Variants in BRINP3 observed in about 807,000 individuals in gnomAD.
The protein encoded by BRINP3 is BMP/retinoic acid inducible neural specific 3, also known as BMP/retinoic acid-inducible neural-specific protein 3.
Under a neutral mutation model 71.0 loss-of-function variants are expected in BRINP3, and 19 were observed. That is an observed-to-expected ratio of 0.27 (90% CI 0.19 to 0.39). The LOEUF (loss-of-function observed/expected upper bound fraction) is 0.39. Ranked by LOEUF, BRINP3 falls within the 10% of genes least tolerant of loss-of-function variation. The pLI is 1.00. For missense variants in BRINP3, 959 were observed against 940.8 expected (o/e 1.02, Z -0.25); for synonymous variants, 380 against 337.7 (o/e 1.13, Z -1.37).
intron 2 of BRINP3, among the ~76,000 whole-genome samples, chr1:190,307,814 C>T (rs752350589): frequency 1.1e-4 from 17 of 151,868 alleles, no homozygotes; most frequent in Non-Finnish European, 1.5e-5. Context: ...GCTTCCATTT[C>T]CTGCAAGATG....
intron 4 of BRINP3, among the ~76,000 whole-genome samples, chr1:190,240,545 A>G (rs1041163890): frequency 6.6e-6 from 1 of 152,046 alleles, no homozygotes; most frequent in African/African-American, 2.4e-5. Context: ...TCTGAGGAGT[A>G]GATAGATATA....
At chr1:190,259,660 AAAT>A (rs1177626461) in intron 4 of BRINP3, among the ~76,000 whole-genome samples, 82 of 144,518 alleles carry the variant, frequency 5.7e-4, no homozygotes, top group Non-Finnish European at 9.5e-4. Flanking sequence ...ATAAATAAAT[AAAT>A]AAAATAAAGT....
At position 190,170,683 on chromosome 1, in the gene BRINP3, C is replaced by A. The variant is rs1051770978; in HGVS notation, c.962-9793G>T. Among the ~76,000 whole-genome samples, 7 of 152,168 alleles carry A rather than the reference C, an allele frequency of 4.6e-5. No homozygotes were observed. In the South Asian group the frequency reaches 1.5e-3, roughly 32 times the overall value. On this transcript the variant is annotated intron_variant, in intron 6 of 7. Transcript: ENST00000367462. ...ATAAAAATGTAGATACATTTCTTAA[C>A]TTATGGATGAGAAAATGGCAAATGA...
intron 2 of BRINP3, among the ~76,000 whole-genome samples, chr1:190,314,642 A>G (rs1373456802): frequency 6.6e-6 from 1 of 152,164 alleles, no homozygotes; most frequent in Non-Finnish European, 1.5e-5. Flanking sequence ...TCCAGAAGGA[A>G]TTCAGCACTG....
At chr1:190,170,197 G>A (rs1187066706) in intron 6 of BRINP3, among the ~76,000 whole-genome samples, 1 of 152,088 alleles carries the variant, frequency 6.6e-6, no homozygotes, top group Non-Finnish European at 1.5e-5. Flanking sequence ...TTGTTGAGAT[G>A]TGGTGTGAAA....
chr1:190,314,904 A>T (rs942770290), intron 2 of BRINP3, among the ~76,000 whole-genome samples: 1 of 152,164 alleles, frequency 6.6e-6, no homozygotes, highest in Admixed American at 6.6e-5. Context: ...AGGTAAAACA[A>T]AAACAAGAAG....
intron 2 of BRINP3, among the ~76,000 whole-genome samples, chr1:190,383,672 T>C (rs1350835539): frequency 1.3e-5 from 2 of 152,014 alleles, no homozygotes; most frequent in Admixed American, 1.3e-4. Flanking sequence ...CCTGGTAAAG[T>C]TACTCAGTAT....
rs1652563495 is a variant in BRINP3 at position 190,110,415 on chromosome 1, T to TA, written c.1185-11282dup. Reference sequence around the variant, plus strand: ...AAGATGAGAGTTGTCTGAAACATTTTAGGCAGCCCAGATAAACTTTGGAAA... The same window carrying TA: ...AAGATGAGAGTTGTCTGAAACATTTTAAGGCAGCCCAGATAAACTTTGGAAA... On this transcript the variant is annotated intron_variant, in intron 7 of 7. Transcript: ENST00000367462. Among the ~76,000 whole-genome samples the TA allele has an allele frequency of 3.9e-5, 6 of 152,346 alleles. No homozygotes were observed. The South Asian group carries it at 1.2e-3, about 32-fold the overall frequency.
Position 190,234,472 on chromosome 1 carries a change from T to C in BRINP3, c.624A>G (p.Thr208=). The change falls in exon 5 of 8, where the codon ACA becomes ACG. Residue 208 remains threonine, a synonymous_variant. Transcript: ENST00000367462. ...IQIASTAIKV[T]ETRTGPLGCS... ...AGCCAAGAGGACCAGTCCGTGTTTC[T>C]GTTACCTGGCAAACAAAACATCAAC... 1.2e-6 allele frequency: 2 copies of C among 1,611,466 alleles called. No homozygotes were observed. Among genetic ancestry groups the C allele is most frequent in the Non-Finnish European group, 1.7e-6 (2 of 1,178,088 alleles).
At position 190,173,792 on chromosome 1, in the gene BRINP3, A is replaced by C. The variant is rs1339726567; in HGVS notation, c.962-12902T>G. On this transcript the variant is annotated intron_variant, in intron 6 of 7. Coordinates refer to ENST00000367462, the MANE Select transcript of BRINP3 (RefSeq NM_199051.3). Reference sequence around the variant, plus strand: ...ATAACACATTTTTATGAATATAACTATTTTCCCCCCAATTTTTTGTGAGAT... The same window carrying C: ...ATAACACATTTTTATGAATATAACTCTTTTCCCCCCAATTTTTTGTGAGAT... Among the ~76,000 whole-genome samples, 3 of 152,196 alleles carry C rather than the reference A, an allele frequency of 2.0e-5. No individual in the cohort carries two copies. In the East Asian group the frequency reaches 5.8e-4, roughly 29 times the overall value.
At chr1:190,427,590 T>C (rs950123842) in intron 2 of BRINP3, among the ~76,000 whole-genome samples, 3 of 151,974 alleles carry the variant, frequency 2.0e-5, no homozygotes, top group Admixed American at 2.0e-4. Flanking sequence ...AATTAATGAG[T>C]ATGTAAAATA....
chr1:190,130,722 G>C (rs73054801), intron 7 of BRINP3, among the ~76,000 whole-genome samples: 8,033 of 152,052 alleles, frequency 0.053, 714 homozygotes, highest in African/African-American at 0.18. Context: ...TTGCATCCAG[G>C]TATAGCCACG....
intron 7 of BRINP3, among the ~76,000 whole-genome samples, chr1:190,119,981 T>C (rs1218879637): frequency 6.6e-6 from 1 of 152,240 alleles, no homozygotes; most frequent in Non-Finnish European, 1.5e-5. Flanking sequence ...AAGTAAGTAG[T>C]TGAGTCCATC....
chr1:190,199,778 A>AAC (rs995855942), intron 6 of BRINP3, among the ~76,000 whole-genome samples: 1 of 150,936 alleles, frequency 6.6e-6, no homozygotes, highest in Non-Finnish European at 1.5e-5. Context: ...TAGGAAAAAA[A>AAC]AAAAAACAAA....
At chr1:190,296,248 G>T (rs1664248077) in intron 2 of BRINP3, among the ~76,000 whole-genome samples, 1 of 151,224 alleles carries the variant, frequency 6.6e-6, no homozygotes, top group East Asian at 1.9e-4. Flanking sequence ...AAAAACATGG[G>T]ATGTAAGGAT....
chr1:190,181,460 G>A lies in BRINP3; in HGVS notation c.962-20570C>T, dbSNP rs536432178. ...TTGTCATTCCTTGTTTTTGCTTTCC[G>A]TTTTCTTTTTGTCCTGCTTTTCTAT... On this transcript the variant is annotated intron_variant, in intron 6 of 7. Coordinates refer to ENST00000367462, the MANE Select transcript of BRINP3 (RefSeq NM_199051.3). Among the ~76,000 whole-genome samples the A allele has an allele frequency of 5.3e-5, 8 of 150,830 alleles. No homozygotes were observed. In the Middle Eastern group the frequency reaches 0.01, roughly 192 times the overall value.
chr1:190,234,833 T>G (rs1350611405), intron 4 of BRINP3, among the ~76,000 whole-genome samples: 1 of 152,158 alleles, frequency 6.6e-6, no homozygotes, highest in Non-Finnish European at 1.5e-5. Context: ...TGTTTGTGTT[T>G]GTTTTTACTC....
rs78083150 is a variant in BRINP3, at chr1:190,238,954, A to G, written c.619-4477T>C. On this transcript the variant is annotated intron_variant, in intron 4 of 7. Coordinates refer to ENST00000367462, the MANE Select transcript of BRINP3 (RefSeq NM_199051.3). ...AAGGAAATAGGTTTAATCGACTTGC[A>G]GTTCCACATGGCTGGGGAGACCTCA... Among the ~76,000 whole-genome samples, 446 of 152,310 alleles carry G rather than the reference A, an allele frequency of 2.9e-3. 5 individuals are homozygous for G. The highest frequency in any genetic ancestry group is 0.021 in the Admixed American group (317 of 15,272).
In BRINP3 at chr1:190,433,511, G is replaced by T. The variant is rs541456304; in HGVS notation, c.236+21144C>A. On this transcript the variant is annotated intron_variant, in intron 2 of 7. Coordinates refer to ENST00000367462, the MANE Select transcript of BRINP3 (RefSeq NM_199051.3). ...TTTCTTCCCTTTCAGCATTTATATGGCCCAACCTCATATTCCAGGCCTCAG... is the reference window on the plus strand; with the variant it reads ...TTTCTTCCCTTTCAGCATTTATATGTCCCAACCTCATATTCCAGGCCTCAG... Among the ~76,000 whole-genome samples, 25 of 151,898 alleles carry T rather than the reference G, an allele frequency of 1.6e-4. No homozygotes were observed. In the South Asian group the frequency reaches 4.8e-3, roughly 29 times the overall value.
Sources: gnomAD v4.1 joint callset for allele counts (sites outside exome capture counted in the v4.1 genomes callset) on GRCh38, gnomAD v4.1.1 for gene constraint, MANE v1.5 for transcripts, NCBI Gene and HGNC (gene_info 2026-07-23, HGNC 2026-07-21) for gene names.